The following SYT14 variants were observed in gnomAD, a reference collection of about 807,000 sequenced individuals.
SYT14 encodes the protein synaptotagmin 14.
Under a neutral mutation model 74.2 loss-of-function variants are expected in SYT14, and 32 were observed. The ratio of observed to expected loss-of-function variants is 0.43; its 90% CI spans 0.33 to 0.58. SYT14 has a LOEUF of 0.58. SYT14 is among the 20% of genes least tolerant of loss of function. The pLI is 0.05. For synonymous variants in SYT14, 298 were observed against 337.7 expected, an observed-to-expected ratio of 0.88 and a Z score of 1.29; for missense variants, 791 against 981.8, an observed-to-expected ratio of 0.81 and a Z score of 2.60.
intron 4 of SYT14, among the ~76,000 whole-genome samples, chr1:210,020,803 T>C (rs1572168941): frequency 6.6e-6 from 1 of 152,186 alleles, no homozygotes; most frequent in East Asian, 1.9e-4. Flanking sequence ...GGGCTTCTTA[T>C]GTGAAAAAAT....
At chr1:210,066,226 C>A (rs1003327411) in intron 5 of SYT14, among the ~76,000 whole-genome samples, 13 of 151,972 alleles carry the variant, frequency 8.6e-5, no homozygotes, top group African/African-American at 2.9e-4. Context: ...ATTTATAATC[C>A]TTTGGGTATA....
intron 5 of SYT14, among the ~76,000 whole-genome samples, chr1:210,071,891 T>A (rs1490350775): frequency 6.6e-6 from 1 of 151,912 alleles, no homozygotes; most frequent in Non-Finnish European, 1.5e-5. Context: ...TTTTTTATTA[T>A]GGGCTATATA....
intron 6 of SYT14, among the ~76,000 whole-genome samples, chr1:210,098,808 G>A (rs2082010167): frequency 1.3e-5 from 2 of 151,902 alleles, no homozygotes; most frequent in African/African-American, 4.8e-5. Context: ...ACCTACCTGA[G>A]TAGCTGGGAC....
At chr1:210,041,534 A>G (rs1044084275) in intron 5 of SYT14, among the ~76,000 whole-genome samples, 2 of 152,224 alleles carry the variant, frequency 1.3e-5, no homozygotes, top group South Asian at 2.1e-4. Flanking sequence ...AATGCTTAAT[A>G]TTAATAACTG....
At chr1:210,138,010 TA>T (rs943600396) in intron 7 of SYT14, among the ~76,000 whole-genome samples, 99 of 151,698 alleles carry the variant, frequency 6.5e-4, no homozygotes, top group African/African-American at 2.1e-3. Context: ...AAATGGTAAA[TA>T]AAAAAAAATC....
At chr1:210,145,053 A>G (rs17015659) in intron 7 of SYT14, among the ~76,000 whole-genome samples, 1,590 of 152,326 alleles carry the variant, frequency 0.01, 34 homozygotes, top group African/African-American at 0.036. Flanking sequence ...TTGAAGCACA[A>G]TGTGTAGTTC....
At chr1:210,163,687 C>T (rs2083418775) in exon 10 of SYT14, 1 of 453,578 alleles carries the variant, frequency 2.2e-6, no homozygotes, top group Non-Finnish European at 4.4e-6. Flanking sequence ...TGTAGATTGA[C>T]ACAACTTATA....
chr1:210,049,749 C>T (rs1186461811), intron 5 of SYT14, among the ~76,000 whole-genome samples: 2 of 152,304 alleles, frequency 1.3e-5, no homozygotes, highest in Admixed American at 6.5e-5. Flanking sequence ...CTCAACACCA[C>T]GTGGAAGCTG....
rs1246308404 is a variant in SYT14 at position 210,066,254 on chromosome 1, G to A, written c.1313-28068G>A. On this transcript the variant is annotated intron_variant, in intron 5 of 9. Coordinates refer to ENST00000637265, the Ensembl canonical transcript of SYT14. The stretch of plus-strand genomic sequence containing the variant: ...TGGGTATATACCCAGTAATGGGATG[G>A]CTGGGTCAAATGGTATTTCTAGTTC... Among the ~76,000 whole-genome samples, 5 of 152,076 alleles carry A rather than the reference G, an allele frequency of 3.3e-5. No individual in the cohort carries two copies. The East Asian group carries it at 9.7e-4, about 29-fold the overall frequency.
chr1:210,159,019 T>G lies in SYT14; in HGVS notation c.2225-402T>G, dbSNP rs1433444245. On this transcript the variant is annotated intron_variant, in intron 8 of 9. Coordinates refer to ENST00000637265, the Ensembl canonical transcript of SYT14. ...ATATATTGGGAATAATAAAAGTATT[T>G]GAAATATTAAATTGATACATTTTAA... 2.6e-5 allele frequency among the ~76,000 whole-genome samples: 4 copies of G among 152,090 alleles called. No individual in the cohort carries two copies. The East Asian group carries it at 7.7e-4, about 29-fold the overall frequency.
chr1:210,096,955 A>G (rs759811244), intron 6 of SYT14, among the ~76,000 whole-genome samples: 1 of 152,156 alleles, frequency 6.6e-6, no homozygotes, highest in Non-Finnish European at 1.5e-5. Context: ...TTTACTCACT[A>G]TCTATAGTTA....
intron 4 of SYT14, among the ~76,000 whole-genome samples, chr1:210,018,442 G>C (rs1456082449): frequency 1.3e-5 from 2 of 152,018 alleles, no homozygotes; most frequent in Non-Finnish European, 2.9e-5. Context: ...CATTCTAGCA[G>C]TTTTTTGATT....
intron 5 of SYT14, among the ~76,000 whole-genome samples, chr1:210,058,871 A>G (rs115856527): frequency 0.027 from 4,139 of 152,262 alleles, 201 homozygotes; most frequent in African/African-American, 0.093. Flanking sequence ...AAGAGGATTA[A>G]AAGTGCAGAC....
At chr1:209,952,353 G>T (rs1056040468) in intron 1 of SYT14, among the ~76,000 whole-genome samples, 3 of 152,090 alleles carry the variant, frequency 2.0e-5, no homozygotes, top group Admixed American at 2.0e-4. Flanking sequence ...CTTAACCTGT[G>T]TATGTTAAGG....
intron 7 of SYT14, among the ~76,000 whole-genome samples, chr1:210,127,370 A>G (rs2082588827): frequency 2.6e-5 from 4 of 152,202 alleles, no homozygotes; most frequent in South Asian, 4.1e-4. Flanking sequence ...CAGTGTAAGT[A>G]TGGCTGTGTT....
At chr1:210,127,644 A>C (rs904069366) in intron 7 of SYT14, among the ~76,000 whole-genome samples, 1 of 152,190 alleles carries the variant, frequency 6.6e-6, no homozygotes, top group African/African-American at 2.4e-5. Flanking sequence ...ATATGAAACT[A>C]TCCTTTTGGA....
chr1:209,945,439 G>A (rs1363530777), intron 1 of SYT14, among the ~76,000 whole-genome samples: 3 of 152,156 alleles, frequency 2.0e-5, no homozygotes, highest in African/African-American at 7.2e-5. Flanking sequence ...GGGTAGTGAC[G>A]ATGGTCTAAG....
Position 210,117,769 on chromosome 1 carries a change from T to C in SYT14, c.2034+17308T>C, listed in dbSNP as rs571415023. ...TTTTGTTTAAGTCAGATTTTTAGTT[T>C]TGTAGGAAAAAAGTCAGGTTTAAAG... On this transcript the variant is annotated intron_variant, in intron 7 of 9. Transcript: ENST00000637265. Among the ~76,000 whole-genome samples the C allele has an allele frequency of 1.8e-4, 28 of 152,270 alleles. No homozygotes were observed. The South Asian group carries it at 5.8e-3, about 32-fold the overall frequency.
intron 4 of SYT14, among the ~76,000 whole-genome samples, chr1:210,017,282 AGCATTCAT>A (rs1210745194): frequency 6.6e-6 from 1 of 152,102 alleles, no homozygotes; most frequent in Non-Finnish European, 1.5e-5. Context: ...TCATTTCAAG[AGCATTCAT>A]GTTATTTGTC....
Sources: gnomAD v4.1 joint callset for allele counts (sites outside exome capture counted in the v4.1 genomes callset) on GRCh38, gnomAD v4.1.1 for gene constraint, MANE v1.5 for transcripts, NCBI Gene and HGNC (gene_info 2026-07-23, HGNC 2026-07-21) for gene names.